Variants in ZNF831 observed in about 807,000 individuals in gnomAD.
ZNF831 encodes the protein zinc finger protein 831, also known as chromosome 20 open reading frame 174.
Under a neutral mutation model 95.8 loss-of-function variants are expected in ZNF831, and 59 were observed. The ratio of observed to expected loss-of-function variants is 0.62; its 90% confidence interval spans 0.50 to 0.77. The LOEUF (loss-of-function observed/expected upper bound fraction) is 0.77. Ranked by LOEUF, ZNF831 falls within the 30% of genes least tolerant of loss-of-function variation. ZNF831 has a pLI of 0.00. For missense variants in ZNF831, 2,205 were observed against 2,164.0 expected, an observed-to-expected ratio of 1.02 and a Z score of -0.38; for synonymous variants, 961 against 925.5, an observed-to-expected ratio of 1.04 and a Z score of -0.70.
At position 59,192,666 on chromosome 20, in the gene ZNF831, C is replaced by T. The variant is rs753104373; in HGVS notation, c.1647C>T (p.Ser549=). 1.3e-6 allele frequency: 2 copies of T among 1,539,450 alleles called. No individual in the cohort carries two copies. The highest frequency in any genetic ancestry group is 2.5e-5 in the South Asian group (2 of 81,026). ...GCCTGGGCTGCCGCTCGGGACTAAG[C>T]TCGACTGACGTTCCCAGTGGGCATC... ...PARLGCRSGL[S]STDVPSGHPR... The change falls in exon 2 of 6, where the codon AGC becomes AGT. Residue 549 remains serine (S), a synonymous_variant. Transcript: ENST00000371030. The surrounding 1 kb of genome is among the most constrained non-coding windows in gnomAD (Gnocchi z 5.2).
chr20:59,213,770 C>T (rs1429327883), intron 4 of ZNF831, among the ~76,000 whole-genome samples: 4 of 152,188 alleles, frequency 2.6e-5, no homozygotes, highest in South Asian at 2.1e-4. Flanking sequence ...GTGGAGTAAC[C>T]GCAAAATTCA....
At chr20:59,146,232 A>C (rs1014207881) in exon 2 of ZNF831, 1 of 148,926 alleles carries the variant, frequency 6.7e-6, no homozygotes, top group Non-Finnish European at 1.5e-5. Flanking sequence ...AATTTCCAGC[A>C]GTCGGTTTTT....
At chr20:59,168,138 G>A (rs1450961820) in intron 1 of ZNF831, among the ~76,000 whole-genome samples, 1 of 151,996 alleles carries the variant, frequency 6.6e-6, no homozygotes, top group Admixed American at 6.6e-5. Flanking sequence ...ATCTTACTAG[G>A]GTTTTGATAG....
Position 59,254,319 on chromosome 20 carries a change from G to A in ZNF831, c.4610G>A (p.Gly1537Asp), listed in dbSNP as rs768516898. 7 of 1,613,948 alleles carry A rather than the reference G, an allele frequency of 4.3e-6. No homozygotes were observed. The Admixed American group carries it at 1.0e-4, about 23-fold the overall frequency. ...SSPDSKVTEE[G>D]RAQTLLPGRP... ...CCAGACAGCAAAGTCACAGAAGAGG[G>A]CAGAGCACAGACCCTCTTGCCAGGG... is the stretch of plus-strand genomic sequence containing the variant. Residue 1537 changes from glycine (G) to aspartate (D), a missense_variant, in exon 6 of 6, where the codon GGC (glycine) becomes GAC (aspartate). Transcript: ENST00000371030. The surrounding 1 kb of genome is among the most constrained non-coding windows in gnomAD (Gnocchi z 4.5).
At chr20:59,156,384 G>A (rs1980542096) in intron 2 of ZNF831, among the ~76,000 whole-genome samples, 2 of 152,246 alleles carry the variant, frequency 1.3e-5, no homozygotes, top group South Asian at 4.2e-4. Flanking sequence ...AAATTAGCCA[G>A]GCTTGGTGGT....
chr20:59,183,753 G>A (rs1229292408), intron 1 of ZNF831, among the ~76,000 whole-genome samples: 4 of 152,180 alleles, frequency 2.6e-5, no homozygotes, highest in African/African-American at 9.6e-5. Flanking sequence ...TTTAAGAGTA[G>A]TTTTAGGTTT....
rs2146763757 is a variant in ZNF831, at chr20:59,254,087, G to T, written c.4378G>T (p.Asp1460Tyr). 6.2e-7 allele frequency: 1 copy of T among 1,614,134 alleles called. No homozygotes were observed. Among genetic ancestry groups the T allele is most frequent in the East Asian group, 2.2e-5 (1 of 44,882 alleles). ...LLASQDSVST[D>Y]PKPYIFSDAQ... is the part of the protein sequence containing the mutation. ...GGCCTCCCAGGATTCAGTCTCAACA[G>T]ATCCCAAACCATACATCTTCTCAGA... is the stretch of plus-strand genomic sequence containing the variant. Residue 1460 changes from aspartate to tyrosine, a missense_variant, in exon 6 of 6, where the codon GAT (aspartate) becomes TAT (tyrosine). Physicochemically the swap from Asp to Tyr is radical, Grantham distance 160. Transcript: ENST00000371030. The surrounding 1 kb of genome is among the most constrained non-coding windows in gnomAD (Gnocchi z 4.5).
intron 4 of ZNF831, 38 bp downstream of exon 4, chr20:59,207,094 TC>T: frequency 6.2e-7 from 1 of 1,604,484 alleles, no homozygotes. Flanking sequence ...GACTGGGCAC[TC>T]GAAGGCACCC....
intron 2 of ZNF831, among the ~76,000 whole-genome samples, chr20:59,155,161 A>G (rs1980468568): frequency 6.6e-6 from 1 of 152,126 alleles, no homozygotes; most frequent in Non-Finnish European, 1.5e-5. Context: ...TTTCATTACA[A>G]TCTGCCTGTT....
chr20:59,230,872 A>G (rs1986684862), intron 4 of ZNF831, among the ~76,000 whole-genome samples: 1 of 152,244 alleles, frequency 6.6e-6, no homozygotes, highest in Admixed American at 6.5e-5. Context: ...TTAAATAGAT[A>G]CATAAAGTTT....
chr20:59,201,412 C>T (rs542566118), intron 3 of ZNF831, among the ~76,000 whole-genome samples: 11 of 152,212 alleles, frequency 7.2e-5, no homozygotes, highest in African/African-American at 2.6e-4. Context: ...TAACTATTTT[C>T]TTTCAATCTA....
chr20:59,214,894 C>G (rs1435503917), intron 4 of ZNF831, among the ~76,000 whole-genome samples: 3 of 152,182 alleles, frequency 2.0e-5, no homozygotes. Context: ...GATCCTAATG[C>G]CCATCAACAT....
chr20:59,253,087 T>A lies in ZNF831; in HGVS notation c.4137T>A (p.Ser1379=), dbSNP rs1020983169. 6.2e-7 allele frequency: 1 copy of A among 1,614,024 alleles called. No individual in the cohort carries two copies. Among genetic ancestry groups the A allele is most frequent in the African/African-American group, 1.3e-5 (1 of 74,924 alleles). ...GDCRQTLGTL[S]LGTSSRIVRE... is the part of the protein sequence containing the mutation. ...GCAGACAAACCTTAGGAACCCTCTC[T>A]CTTGGTACAAGTTCAAGAATTGTCA... The change falls in exon 5 of 6, where the codon TCT becomes TCA. Residue 1379 remains serine (S), a synonymous_variant. Coordinates refer to ENST00000371030, the MANE Select transcript of ZNF831 (RefSeq NM_178457.3).
At chr20:59,236,730 T>TGACAAAGATGTTTTTTGTGG (rs1987020802) in intron 4 of ZNF831, among the ~76,000 whole-genome samples, 1 of 152,120 alleles carries the variant, frequency 6.6e-6, no homozygotes. Context: ...TTCAAGTGGA[T>TGACAAAGATGTTTTTTGTGG]GACAAAGATG....
Position 59,193,352 on chromosome 20 carries a change from C to A in ZNF831, c.2333C>A (p.Pro778Gln), listed in dbSNP as rs2146581525. 2 of 1,610,840 alleles carry A rather than the reference C, an allele frequency of 1.2e-6. No individual in the cohort carries two copies. The highest frequency in any genetic ancestry group is 2.2e-5 in the South Asian group (2 of 90,718). The change falls in exon 2 of 6, where the codon CCA (proline) becomes CAA (glutamine). Residue 778 changes from proline (P) to glutamine (Q), a missense_variant. Coordinates refer to ENST00000371030, the MANE Select transcript of ZNF831 (RefSeq NM_178457.3). ...LKGGDVEAPR[P>Q]VWPDPKLEGG... ...GGGGGTGATGTAGAGGCTCCCAGGC[C>A]AGTTTGGCCGGACCCCAAGCTGGAA...
intron 1 of ZNF831, among the ~76,000 whole-genome samples, chr20:59,128,498 C>T (rs963546057): frequency 7.9e-5 from 12 of 152,184 alleles, no homozygotes; most frequent in African/African-American, 2.2e-4. Context: ...GGGGACAGTG[C>T]CCAGATGGAG....
At chr20:59,252,331 A>G (rs1408498633) in intron 4 of ZNF831, among the ~76,000 whole-genome samples, 4 of 152,216 alleles carry the variant, frequency 2.6e-5, no homozygotes, top group African/African-American at 4.8e-5. Context: ...ATCTCATATC[A>G]TGATGGAACC....
chr20:59,233,719 A>T (rs961874012), intron 4 of ZNF831, among the ~76,000 whole-genome samples: 1 of 152,152 alleles, frequency 6.6e-6, no homozygotes, highest in African/African-American at 2.4e-5. Context: ...TATTTTTCAG[A>T]CCTACATCAC....
Position 59,191,324 on chromosome 20 carries a change from C to T in ZNF831, c.305C>T (p.Pro102Leu), listed in dbSNP as rs563227331. ...SPVLQPEGPG[P>L]TQVGKPAAPT... ...GTGCTGCAGCCTGAAGGGCCTGGCC[C>T]CACCCAGGTGGGGAAGCCGGCGGCC... Residue 102 changes from proline to leucine, a missense_variant, in exon 2 of 6, where the codon CCC becomes CTC. Coordinates refer to ENST00000371030, the MANE Select transcript of ZNF831 (RefSeq NM_178457.3). 2 of 1,601,782 alleles carry T rather than the reference C, an allele frequency of 1.2e-6. No individual in the cohort carries two copies. The highest frequency in any genetic ancestry group is 1.3e-5 in the African/African-American group (1 of 74,730).
Sources: allele counts gnomAD v4.1 joint callset (sites outside exome capture counted in the v4.1 genomes callset), GRCh38; gene constraint gnomAD v4.1.1; non-coding constraint Gnocchi (gnomAD v3.1); transcripts MANE v1.5; gene names NCBI Gene and HGNC (gene_info 2026-07-23, HGNC 2026-07-21).